KANK1: variants seen among roughly 807,000 people sequenced by gnomAD.
KANK1 encodes the protein KN motif and ankyrin repeat domains 1, also known as KN motif and ankyrin repeat domain-containing protein 1.
KANK1 carries 109 observed loss-of-function variants against 106.2 expected under a neutral mutation model. The observed-to-expected ratio is 1.03, with a 90% CI of 0.88 to 1.20. The LOEUF is 1.20. Among genes scored for constraint, KANK1 ranks in the 50% most tolerant of loss-of-function variants. KANK1 has a pLI of 0.00. For missense variants in KANK1, 2,399 were observed against 1,710.7 expected (o/e 1.40, Z -7.10); for synonymous variants, 873 against 652.2 (o/e 1.34, Z -5.16).
At chr9:525,976 C>G (rs1587509344) in intron 1 of KANK1, among the ~76,000 whole-genome samples, 2 of 151,858 alleles carry the variant, frequency 1.3e-5, no homozygotes, top group South Asian at 4.1e-4. Context: ...TTACCTGAAG[C>G]CATTGACAAA....
intron 1 of KANK1, among the ~76,000 whole-genome samples, chr9:582,848 G>A (rs1419728473): frequency 6.6e-6 from 1 of 152,188 alleles, no homozygotes; most frequent in African/African-American, 2.4e-5. Flanking sequence ...GGGTTCAGAT[G>A]TACACTGTTA....
intron 1 of KANK1, among the ~76,000 whole-genome samples, chr9:626,715 T>A (rs1054342075): frequency 3.3e-5 from 5 of 152,326 alleles, no homozygotes; most frequent in African/African-American, 9.6e-5. Context: ...AACCCACCAA[T>A]TCAGGACAGA....
rs576321759 is a variant in KANK1 at position 661,744 on chromosome 9, G to A, written c.-83-15146G>A. Reference sequence around the variant, plus strand: ...GAACTAGTTTACACTCCCACCAACTGTGTAAAAGTGTTCCTGTTTCTCCAC... The same window carrying A: ...GAACTAGTTTACACTCCCACCAACTATGTAAAAGTGTTCCTGTTTCTCCAC... On this transcript the variant is annotated intron_variant, in intron 1 of 11. Transcript: ENST00000382297. Among the ~76,000 whole-genome samples, 91 of 152,224 alleles carry A rather than the reference G, an allele frequency of 6.0e-4. 1 individual carries two copies. Among genetic ancestry groups the A allele is most frequent in the African/African-American group, 2.0e-3 (85 of 41,518 alleles).
chr9:581,847 C>T (rs752175994), intron 1 of KANK1, among the ~76,000 whole-genome samples: 1 of 152,110 alleles, frequency 6.6e-6, no homozygotes, highest in Non-Finnish European at 1.5e-5. Context: ...AGCATCCAGC[C>T]ATCCTCCTGG....
intron 3 of KANK1, among the ~76,000 whole-genome samples, chr9:727,822 C>A (rs527454802): frequency 1.3e-5 from 2 of 152,122 alleles, no homozygotes; most frequent in African/African-American, 4.8e-5. Context: ...TTCCACATCA[C>A]CCACATTGAA....
chr9:728,579 G>A (rs1354929426), intron 3 of KANK1, among the ~76,000 whole-genome samples: 2 of 152,218 alleles, frequency 1.3e-5, no homozygotes, highest in African/African-American at 4.8e-5. Flanking sequence ...CCCCTTACCT[G>A]TCCAGGCCTT....
rs149531359 is a variant in KANK1 at position 719,823 on chromosome 9, C to T, written c.2698+6359C>T. On this transcript the variant is annotated intron_variant, in intron 3 of 11. Transcript: ENST00000382297. The stretch of plus-strand genomic sequence containing the variant: ...TGCAGTGGCATGATCCGGGCTCACG[C>T]CACTGCAGCCCCCAACTTCTGGGCT... Among the ~76,000 whole-genome samples the T allele has an allele frequency of 1.3e-3, 204 of 152,148 alleles. 2 individuals carry two copies. Among genetic ancestry groups the T allele is most frequent in the African/African-American group, 4.8e-3 (199 of 41,510 alleles).
At chr9:638,500 A>G (rs1315692939) in intron 1 of KANK1, among the ~76,000 whole-genome samples, 1 of 152,194 alleles carries the variant, frequency 6.6e-6, no homozygotes, top group Non-Finnish European at 1.5e-5. Flanking sequence ...ACAGAGTTTC[A>G]GATAAATCTC....
At chr9:715,988 A>T (rs75626112) in intron 3 of KANK1, among the ~76,000 whole-genome samples, 1 of 152,190 alleles carries the variant, frequency 6.6e-6, no homozygotes, top group Non-Finnish European at 1.5e-5. Context: ...ACCATAGAGA[A>T]TAGCACTCAC....
intron 1 of KANK1, among the ~76,000 whole-genome samples, chr9:637,343 A>C (rs1175120633): frequency 1.3e-5 from 2 of 152,156 alleles, no homozygotes; most frequent in African/African-American, 2.4e-5. Context: ...TTGTTTAGAA[A>C]ATGGAGGGTA....
intron 1 of KANK1, among the ~76,000 whole-genome samples, chr9:598,632 T>C (rs1450057109): frequency 3.7e-5 from 4 of 108,368 alleles, no homozygotes; most frequent in Admixed American, 9.2e-5. Context: ...TTTTTTTTTT[T>C]TTTTTTTTTT....
intron 3 of KANK1, among the ~76,000 whole-genome samples, chr9:490,659 C>G: frequency 6.6e-6 from 1 of 152,104 alleles, no homozygotes; most frequent in East Asian, 1.9e-4. Context: ...AAATAAATTG[C>G]CAAAGTTTCA....
intron 1 of KANK1, among the ~76,000 whole-genome samples, chr9:632,131 G>A (rs10815385): frequency 0.15 from 22,496 of 152,150 alleles, 1,826 homozygotes; most frequent in Admixed American, 0.17. Flanking sequence ...ATTTAAGTTT[G>A]ACTAGGTATG....
At chr9:588,739 G>T (rs183191060) in intron 1 of KANK1, among the ~76,000 whole-genome samples, 3 of 152,198 alleles carry the variant, frequency 2.0e-5, no homozygotes, top group African/African-American at 7.2e-5. Context: ...ATAGGGCACG[G>T]ACTGTAGAGT....
At chr9:625,572 C>T (rs537657934) in intron 1 of KANK1, among the ~76,000 whole-genome samples, 3 of 151,296 alleles carry the variant, frequency 2.0e-5, no homozygotes, top group Middle Eastern at 3.4e-3. Context: ...CCTTCTTGTG[C>T]GAGGAGTATC....
At chr9:484,048 C>T (rs1338312177) in intron 3 of KANK1, among the ~76,000 whole-genome samples, 1 of 152,224 alleles carries the variant, frequency 6.6e-6, no homozygotes, top group African/African-American at 2.4e-5. Flanking sequence ...TGCCAGTTTG[C>T]ACCACGAGTA....
intron 3 of KANK1, among the ~76,000 whole-genome samples, chr9:486,754 A>C (rs2058299853): frequency 6.6e-6 from 1 of 152,130 alleles, no homozygotes. Context: ...AAAAGCAAAA[A>C]CCTCAAATAT....
chr9:620,647 CA>C (rs1276863155), intron 1 of KANK1, among the ~76,000 whole-genome samples: 2 of 152,070 alleles, frequency 1.3e-5, no homozygotes, highest in African/African-American at 4.8e-5. Flanking sequence ...CCTCATGATC[CA>C]GCTGCCTTGG....
At chr9:689,068 T>C (rs1410703424) in intron 2 of KANK1, among the ~76,000 whole-genome samples, 1 of 152,204 alleles carries the variant, frequency 6.6e-6, no homozygotes, top group Non-Finnish European at 1.5e-5. Context: ...AATGTTCTTA[T>C]TTAGTTCTGT....
Sources: allele counts gnomAD v4.1 joint callset (sites outside exome capture counted in the v4.1 genomes callset), GRCh38; gene constraint gnomAD v4.1.1; transcripts MANE v1.5; gene names NCBI Gene and HGNC (gene_info 2026-07-23, HGNC 2026-07-21).